The following THOC2 variants were observed in gnomAD, a reference collection of about 807,000 sequenced individuals.
THOC2 encodes the protein THO complex subunit 2, also known as THO complex 2.
A neutral mutation model predicts 128.4 loss-of-function variants in THOC2; 10 were observed. That is an observed-to-expected ratio of 0.08 (90% CI 0.05 to 0.13). The LOEUF (loss-of-function observed/expected upper bound fraction) is 0.13. Among genes scored for constraint, THOC2 ranks in the 10% least tolerant of loss-of-function variants. The pLI is 1.00. For missense variants in THOC2, 535 were observed against 1,155.7 expected, an observed-to-expected ratio of 0.46 and a Z score of 7.79; for synonymous variants, 393 against 396.9, an observed-to-expected ratio of 0.99 and a Z score of 0.12.
intron 4 of THOC2, among the ~76,000 whole-genome samples, chrX:123,700,315 A>G (rs2050636720): frequency 9.2e-6 from 1 of 108,679 alleles, no homozygotes; most frequent in Non-Finnish European, 1.9e-5. Context: ...AGCCTGGCCA[A>G]CAGGGCGAAA....
rs5958276 is a variant in THOC2, at chrX:123,635,658, T to A, written c.2018+421A>T. Among the ~76,000 whole-genome samples, 247 of 111,857 alleles carry A rather than the reference T, an allele frequency of 2.2e-3. 2 individuals carry two copies. Among genetic ancestry groups the A allele is most frequent in the African/African-American group, 7.5e-3 (233 of 30,868 alleles). On this transcript the variant is annotated intron_variant, in intron 19 of 38. Transcript: ENST00000245838. ...TATCTCTAAAACTCAAATTCAAAAATTATGCTTTAAAGGTATTATATACAC... is the reference window on the plus strand; with the variant it reads ...TATCTCTAAAACTCAAATTCAAAAAATATGCTTTAAAGGTATTATATACAC...
At chrX:123,722,970 G>A (rs1048549159) in intron 1 of THOC2, among the ~76,000 whole-genome samples, 1 of 111,288 alleles carries the variant, frequency 9.0e-6, no homozygotes, top group Non-Finnish European at 1.9e-5. Flanking sequence ...TCGGAGGTCC[G>A]GAGTTCAAGA....
chrX:123,607,084 G>A (rs2498041), intron 38 of THOC2, among the ~76,000 whole-genome samples: 46,085 of 108,891 alleles, frequency 0.42, 8,272 homozygotes, highest in East Asian at 0.67. Flanking sequence ...AAGTAGGAAG[G>A]AAGGTTAAAG....
intron 15 of THOC2, among the ~76,000 whole-genome samples, chrX:123,643,883 T>C (rs2048024917): frequency 8.9e-6 from 1 of 111,810 alleles, no homozygotes; most frequent in Non-Finnish European, 1.9e-5. Context: ...CGAACTACTT[T>C]TAATTAGAAT....
chrX:123,638,828 G>T, intron 17 of THOC2, 106 bp downstream of exon 17: 1 of 471,373 alleles, frequency 2.1e-6, no homozygotes, highest in Non-Finnish European at 3.6e-6. Context: ...TCAGCCACCT[G>T]AATCAACCTC....
chrX:123,692,665 C>A (rs1476862545), intron 7 of THOC2, among the ~76,000 whole-genome samples: 6 of 110,261 alleles, frequency 5.4e-5, no homozygotes, highest in Non-Finnish European at 1.1e-4. Flanking sequence ...CCATGCCCAA[C>A]TAATTTTTGT....
In THOC2 at chrX:123,621,327, G is replaced by A. The variant is rs1045117; in HGVS notation, c.4046C>T (p.Ala1349Val). ...DEKFKTTVPN[A>V]ESKSTQERER... ...CCTTTCTTGAGTTGATTTTGATTCT[G>A]CGTTGGGGACAGTGGTCTTAAATTT... Residue 1349 changes from alanine to valine, a missense_variant, in exon 31 of 39, where the codon GCA becomes GTA. By Grantham distance (64) the Ala-to-Val change is moderately conservative. This residue lies in a region of THOC2 where 116 missense variants were observed against 180.0 expected (regional missense o/e 0.64). Transcript: ENST00000245838. 1 of 1,210,611 alleles carries A rather than the reference G, an allele frequency of 8.3e-7. No individual in the cohort carries two copies. Among genetic ancestry groups the A allele is most frequent in the Non-Finnish European group, 1.1e-6 (1 of 895,011 alleles).
intron 8 of THOC2, among the ~76,000 whole-genome samples, chrX:123,685,803 T>C (rs1431503573): frequency 9.0e-6 from 1 of 111,573 alleles, no homozygotes; most frequent in African/African-American, 3.3e-5. Context: ...ACAGATTAGC[T>C]TGACCGCTAT....
chrX:123,675,737 T>C (rs1032069287), intron 8 of THOC2, among the ~76,000 whole-genome samples: 1 of 111,922 alleles, frequency 8.9e-6, no homozygotes, highest in African/African-American at 3.2e-5. Flanking sequence ...CAGAGGTTGG[T>C]TGATGCTGCT....
chrX:123,665,903 C>A (rs1044202684), intron 11 of THOC2, 66 bp from the exon 12 acceptor site: 2 of 593,625 alleles, frequency 3.4e-6, no homozygotes, highest in Non-Finnish European at 2.3e-6. Context: ...TAACTATATA[C>A]ACACACACTA....
intron 12 of THOC2, among the ~76,000 whole-genome samples, chrX:123,652,515 T>C (rs1051994056): frequency 9.8e-5 from 11 of 111,913 alleles, no homozygotes; most frequent in African/African-American, 3.6e-4. Flanking sequence ...GATGACATGA[T>C]TGTATATTTA....
chrX:123,690,226 G>C (rs2050164506), intron 7 of THOC2, among the ~76,000 whole-genome samples: 1 of 111,606 alleles, frequency 9.0e-6, no homozygotes, highest in Admixed American at 9.6e-5. Context: ...AAACAGAAGA[G>C]AGAAGAGAGG....
At chrX:123,723,495 TGTTA>T (rs2051799780) in intron 1 of THOC2, among the ~76,000 whole-genome samples, 1 of 111,560 alleles carries the variant, frequency 9.0e-6, no homozygotes, top group Admixed American at 9.6e-5. Flanking sequence ...CTATTGGCAC[TGTTA>T]GTAATAGCCA....
rs180763110 is a variant in THOC2 at position 123,623,133 on chromosome X, T to C, written c.3654A>G (p.Lys1218=). 2.5e-6 allele frequency: 3 copies of C among 1,209,384 alleles called. No homozygotes were observed. The East Asian group carries it at 8.9e-5, about 36-fold the overall frequency. Residue 1218 remains lysine, a synonymous_variant, in exon 29 of 39, where the codon AAA becomes AAG. Coordinates refer to ENST00000245838, the MANE Select transcript of THOC2 (RefSeq NM_001081550.2). ...TCTCCTCAGTACTGCTTTCATCCGA[T>C]TTAGATGCACTTCCTATTGATGATG... ...PSSSSIGSAS[K]SDESSTEETD... is the part of the protein sequence containing the mutation.
intron 1 of THOC2, among the ~76,000 whole-genome samples, chrX:123,722,761 G>A (rs1362768571): frequency 9.0e-6 from 1 of 111,299 alleles, no homozygotes; most frequent in East Asian, 2.8e-4. Flanking sequence ...AACACATGCA[G>A]TGTAACCCAA....
At chrX:123,626,811 T>A (rs998338608) in intron 23 of THOC2, 149 bp from the exon 24 acceptor site, 10 of 483,760 alleles carry the variant, frequency 2.1e-5, no homozygotes, top group Non-Finnish European at 2.6e-5. Context: ...TTTATCTCCA[T>A]TCAACACACT....
chrX:123,708,591 G>C (rs1366460675), intron 2 of THOC2, among the ~76,000 whole-genome samples: 2 of 109,820 alleles, frequency 1.8e-5, no homozygotes, highest in Non-Finnish European at 3.8e-5. Context: ...TATGTCCTCT[G>C]GTACTCATAG....
intron 7 of THOC2, among the ~76,000 whole-genome samples, chrX:123,691,918 C>T (rs1375534220): frequency 8.9e-6 from 1 of 112,160 alleles, no homozygotes; most frequent in African/African-American, 3.2e-5. Flanking sequence ...CACACAGTCA[C>T]ATTTATTTAT....
At chrX:123,687,356 G>A (rs973446327) in intron 7 of THOC2, among the ~76,000 whole-genome samples, 1 of 111,661 alleles carries the variant, frequency 9.0e-6, no homozygotes, top group Non-Finnish European at 1.9e-5. Flanking sequence ...CCTGGTTTAC[G>A]TCAGTTCCCA....
Sources: gnomAD v4.1 joint callset for allele counts (sites outside exome capture counted in the v4.1 genomes callset) on GRCh38, gnomAD v4.1.1 for gene constraint, gnomAD v4.1.1 regional missense constraint, MANE v1.5 for transcripts, NCBI Gene and HGNC (gene_info 2026-07-23, HGNC 2026-07-21) for gene names.